Variants in CFDP1 observed in about 807,000 individuals in gnomAD.
The protein encoded by CFDP1 is heterochromatin-stabilizing protein CFDP1.
In CFDP1, 31 loss-of-function variants were observed where a neutral mutation model predicts 40.1. The observed-to-expected ratio is 0.77, with a 90% CI of 0.58 to 1.04. The LOEUF (loss-of-function observed/expected upper bound fraction) is 1.04. CFDP1 is among the 50% of genes least tolerant of loss of function. The pLI is 0.00. For missense variants in CFDP1, 423 were observed against 343.4 expected (o/e 1.23, Z -1.83); for synonymous variants, 167 against 120.0 (o/e 1.39, Z -2.56).
intron 5 of CFDP1, among the ~76,000 whole-genome samples, chr16:75,383,353 G>C (rs2078866796): frequency 6.6e-6 from 1 of 152,168 alleles, no homozygotes. Context: ...GAACCCTTCA[G>C]GAAATAGCAG....
intron 5 of CFDP1, 132 bp downstream of exon 5, chr16:75,394,958 G>T: frequency 1.8e-6 from 2 of 1,113,028 alleles, no homozygotes; most frequent in Non-Finnish European, 2.5e-6. Flanking sequence ...GGTAAATATT[G>T]CAGCAAAGGC....
chr16:75,332,323 G>A (rs758827223), intron 5 of CFDP1, among the ~76,000 whole-genome samples: 9 of 151,986 alleles, frequency 5.9e-5, no homozygotes, highest in South Asian at 4.2e-4. Context: ...AAATTAGCAC[G>A]CTGTAGTGGC....
chr16:75,356,872 A>C (rs2078647384), intron 5 of CFDP1, among the ~76,000 whole-genome samples: 1 of 149,734 alleles, frequency 6.7e-6, no homozygotes, highest in East Asian at 2.0e-4. Flanking sequence ...TTGCTGCTTC[A>C]TCTTGTACTT....
chr16:75,385,373 G>A (rs2078887757), intron 5 of CFDP1, among the ~76,000 whole-genome samples: 1 of 152,070 alleles, frequency 6.6e-6, no homozygotes. Flanking sequence ...AACTTTCACT[G>A]CCTTCTCTCC....
chr16:75,313,903 T>C (rs1350308458), intron 5 of CFDP1, among the ~76,000 whole-genome samples: 4 of 151,744 alleles, frequency 2.6e-5, no homozygotes, highest in Non-Finnish European at 5.9e-5. Context: ...TGTTTTTTTT[T>C]AGACGGAGCC....
At chr16:75,406,407 T>C (rs75797494) in intron 4 of CFDP1, among the ~76,000 whole-genome samples, 4,155 of 148,240 alleles carry the variant, frequency 0.028, 193 homozygotes, top group African/African-American at 0.096. Flanking sequence ...ATATTAAAAA[T>C]AAACAAACAA....
At chr16:75,343,288 T>C (rs1294815241) in intron 5 of CFDP1, among the ~76,000 whole-genome samples, 2 of 152,096 alleles carry the variant, frequency 1.3e-5, no homozygotes, top group Non-Finnish European at 2.9e-5. Context: ...TGGCACTAGA[T>C]AGCAGGCCTC....
intron 5 of CFDP1, among the ~76,000 whole-genome samples, chr16:75,384,836 C>G (rs1245755344): frequency 7.9e-6 from 1 of 126,180 alleles, no homozygotes; most frequent in Non-Finnish European, 1.6e-5. Flanking sequence ...ATACAAGTTG[C>G]AAGAAGAAAC....
intron 5 of CFDP1, among the ~76,000 whole-genome samples, chr16:75,352,408 T>A (rs1317877234): frequency 6.6e-6 from 1 of 151,880 alleles, no homozygotes; most frequent in Non-Finnish European, 1.5e-5. Context: ...AAAGAATTTA[T>A]CTTCCTATAT....
At chr16:75,318,037 C>T (rs543731405) in intron 5 of CFDP1, among the ~76,000 whole-genome samples, 1 of 152,184 alleles carries the variant, frequency 6.6e-6, no homozygotes, top group South Asian at 2.1e-4. Flanking sequence ...AGGAGAATTG[C>T]TTGAACTTGG....
At chr16:75,299,512 G>C (rs570828252) in intron 6 of CFDP1, among the ~76,000 whole-genome samples, 51 of 151,776 alleles carry the variant, frequency 3.4e-4, no homozygotes, top group African/African-American at 1.2e-3. Context: ...GGAGAATGGC[G>C]TGAACCCGGG....
chr16:75,393,776 G>GTT lies in CFDP1; in HGVS notation c.650+1313_650+1314insAA. Among the ~76,000 whole-genome samples, 3 of 119,780 alleles carry GTT rather than the reference G, an allele frequency of 2.5e-5. 1 individual carries two copies. Among genetic ancestry groups the GTT allele is most frequent in the Admixed American group, 1.9e-4 (2 of 10,524 alleles). The allele number at this position is 119,780 out of a possible 152,430, so 78.6% of individuals were successfully genotyped here. On this transcript the variant is annotated intron_variant, in intron 5 of 6. Transcript: ENST00000283882. ...AAAAAAAAAAAAAAAAAAAAAAAGT[G>GTT]GGGCCGGGCCCGGTGGCTCACGCCT...
At chr16:75,421,142 C>A (rs2079275287) in intron 1 of CFDP1, among the ~76,000 whole-genome samples, 1 of 152,144 alleles carries the variant, frequency 6.6e-6, no homozygotes, top group Non-Finnish European at 1.5e-5. Flanking sequence ...CTGTTTGCAG[C>A]GGGGAGGAGC....
At chr16:75,337,447 G>A (rs2078497402) in intron 5 of CFDP1, among the ~76,000 whole-genome samples, 1 of 152,168 alleles carries the variant, frequency 6.6e-6, no homozygotes, top group Non-Finnish European at 1.5e-5. Context: ...CCTTATTGCT[G>A]CCACAACTAA....
chr16:75,322,637 A>C (rs1174626220), intron 5 of CFDP1, among the ~76,000 whole-genome samples: 1 of 152,178 alleles, frequency 6.6e-6, no homozygotes, highest in African/African-American at 2.4e-5. Context: ...TAAACCCAAA[A>C]ATCTGAAATC....
chr16:75,433,179 C>T (rs1282734236), intron 1 of CFDP1, 110 bp downstream of exon 1: 5 of 928,054 alleles, frequency 5.4e-6, no homozygotes, highest in Admixed American at 3.1e-5. Context: ...AGAACAGGAG[C>T]CCCCCTGGAC....
At chr16:75,311,426 A>T (rs1204512097) in intron 5 of CFDP1, among the ~76,000 whole-genome samples, 1 of 152,214 alleles carries the variant, frequency 6.6e-6, no homozygotes, top group Non-Finnish European at 1.5e-5. Flanking sequence ...GGTGTGAGCC[A>T]CTATGCCCAA....
chr16:75,424,819 C>T (rs2079318335), intron 1 of CFDP1, among the ~76,000 whole-genome samples: 1 of 150,306 alleles, frequency 6.7e-6, no homozygotes, highest in Admixed American at 6.6e-5. Context: ...TAGCATTCAA[C>T]ATCATACTGG....
chr16:75,322,524 T>C (rs1389707297), intron 5 of CFDP1, among the ~76,000 whole-genome samples: 1 of 152,186 alleles, frequency 6.6e-6, no homozygotes, highest in African/African-American at 2.4e-5. Flanking sequence ...CATGTTACTG[T>C]ACTAAGTACT....
Sources: gnomAD v4.1 joint callset for allele counts (sites outside exome capture counted in the v4.1 genomes callset) on GRCh38, gnomAD v4.1.1 for gene constraint, MANE v1.5 for transcripts, NCBI Gene and HGNC (gene_info 2026-07-23, HGNC 2026-07-21) for gene names.